The following PNMA2 variants were observed in gnomAD, a reference collection of about 807,000 sequenced individuals.
PNMA2 encodes the protein paraneoplastic antigen Ma2.
For synonymous variants in PNMA2, 175 were observed against 183.5 expected (o/e 0.95, Z 0.38); for missense variants, 455 against 452.9 (o/e 1.00, Z -0.04).
At chr8:26,513,348 T>C (rs1808203327) in intron 1 of PNMA2, among the ~76,000 whole-genome samples, 1 of 151,550 alleles carries the variant, frequency 6.6e-6, no homozygotes, top group Non-Finnish European at 1.5e-5. Context: ...TCCTCTCCCA[T>C]CTGCTACGCC....
Position 26,505,575 on chromosome 8 carries a change from C to T in PNMA2, c.*2086G>A, listed in dbSNP as rs1165694135. The T allele has an allele frequency of 2.6e-5, 4 of 152,626 alleles. No individual in the cohort carries two copies. In the East Asian group the frequency reaches 5.8e-4, roughly 22 times the overall value. The allele number at this position is 152,626 out of a possible 1,614,324, so 9.5% of individuals were successfully genotyped here. On this transcript the variant is annotated 3_prime_UTR_variant, in exon 3 of 3. Transcript: ENST00000522362. Reference sequence around the variant, plus strand: ...ACGTACACAGATACCATAAAGGAAACTTTGCTCTAAGGTCTGCACAAAATG... The same window carrying T: ...ACGTACACAGATACCATAAAGGAAATTTTGCTCTAAGGTCTGCACAAAATG...
intron 1 of PNMA2, among the ~76,000 whole-genome samples, chr8:26,511,007 C>T (rs182697255): frequency 1.3e-5 from 2 of 152,212 alleles, no homozygotes; most frequent in Admixed American, 6.5e-5. Context: ...CAAAAATTAT[C>T]TGGGTGTGGT....
In PNMA2 at chr8:26,509,602, T is replaced by G. The variant is rs1041785008; in HGVS notation, c.-543A>C. The G allele has an allele frequency of 6.6e-6, 1 of 152,250 alleles. No individual in the cohort carries two copies. The highest frequency in any genetic ancestry group is 1.5e-5 in the Non-Finnish European group (1 of 68,046). 9.4% of individuals were successfully genotyped at this position (152,250 alleles called of 1,614,324 possible). On this transcript the variant is annotated 5_prime_UTR_variant, in exon 2 of 3. Transcript: ENST00000522362. The surrounding 1 kb of genome is among the most constrained non-coding windows in gnomAD (Gnocchi z 5.7). ...GAGGTGAGGAGCTTATTTATTCACC[T>G]TTTAGCACAGGAAGACATCACCCAC...
rs1659527207 is a variant in PNMA2, at chr8:26,508,872, A to G, written c.-117T>C. 2 of 1,511,216 alleles carry G rather than the reference A, an allele frequency of 1.3e-6. No homozygotes were observed. Among genetic ancestry groups the G allele is most frequent in the South Asian group, 2.8e-5 (2 of 71,006 alleles). The allele number at this position is 1,511,216 out of a possible 1,614,324, so 93.6% of individuals were successfully genotyped here. ...GAGCTTCTAACCTTAGAACCCACCA[A>G]TGAATGGGTCCCAGACTAGGTCACT... On this transcript the variant is annotated 5_prime_UTR_variant, in exon 3 of 3. Transcript: ENST00000522362. This position sits in a 1 kb window ranked among gnomAD's most constrained non-coding sequence, Gnocchi z 5.5.
chr8:26,507,626 G>GC lies in PNMA2; in HGVS notation c.*34dup, dbSNP rs745561699. 1 of 1,518,014 alleles carries GC rather than the reference G, an allele frequency of 6.6e-7. No homozygotes were observed. Among genetic ancestry groups the GC allele is most frequent in the South Asian group, 1.4e-5 (1 of 73,338 alleles). 94.0% of individuals were successfully genotyped at this position (1,518,014 alleles called of 1,614,324 possible). A position where few individuals can be genotyped will look rare whatever the true frequency, so the allele number is the denominator to read the frequency against. ...AGAAAAAAATTTTTTAAAGGTCTTA[G>GC]CCCACTGGCTGTGGGTCCTGCCCCC... On this transcript the variant is annotated 3_prime_UTR_variant, in exon 3 of 3. Transcript: ENST00000522362.
intron 1 of PNMA2, chr8:26,513,114 C>CTTTTTTTTT (rs762812937): frequency 3.2e-5 from 4 of 125,070 alleles, no homozygotes; most frequent in African/African-American, 1.4e-4. Context: ...TTTTTTCTCT[C>CTTTTTTTTT]TTTTTTTTTT....
Position 26,508,741 on chromosome 8 carries a change from C to T in PNMA2, c.15G>A (p.Leu5=). 6.2e-7 allele frequency: 1 copy of T among 1,611,194 alleles called. No individual in the cohort carries two copies. The highest frequency in any genetic ancestry group is 8.5e-7 in the Non-Finnish European group (1 of 1,178,616). The change falls in exon 3 of 3, where the codon CTG becomes CTA. Residue 5 remains leucine, a synonymous_variant. Coordinates refer to ENST00000522362, the MANE Select transcript of PNMA2 (RefSeq NM_007257.6). The surrounding 1 kb of genome is among the most constrained non-coding windows in gnomAD (Gnocchi z 5.5). MALA[L]LEDWCRIMSV... is the part of the protein sequence containing the mutation. ...TCATTATCCTGCACCAGTCCTCTAA[C>T]AGTGCCAGCGCCATTGTCCTAAGAA...
Position 26,508,727 on chromosome 8 carries a change from C to T in PNMA2, c.29G>A (p.Cys10Tyr). The change falls in exon 3 of 3, where the codon TGC (cysteine) becomes TAC (tyrosine). Residue 10 changes from cysteine (C) to tyrosine (Y), a missense_variant. Transcript: ENST00000522362. This position sits in a 1 kb window ranked among gnomAD's most constrained non-coding sequence, Gnocchi z 5.5. ...CTGCTCATCCACACTCATTATCCTG[C>T]ACCAGTCCTCTAACAGTGCCAGCGC... MALALLEDWCRIMSVDEQKS... is the reference protein window; with the variant it reads MALALLEDWYRIMSVDEQKS... 1 of 1,613,148 alleles carries T rather than the reference C, an allele frequency of 6.2e-7. No individual in the cohort carries two copies. Among genetic ancestry groups the T allele is most frequent in the Non-Finnish European group, 8.5e-7 (1 of 1,179,518 alleles).
chr8:26,509,001 T>C lies in PNMA2; in HGVS notation c.-246A>G. On this transcript the variant is annotated 5_prime_UTR_variant, in exon 3 of 3. Coordinates refer to ENST00000522362, the MANE Select transcript of PNMA2 (RefSeq NM_007257.6). This position sits in a 1 kb window ranked among gnomAD's most constrained non-coding sequence, Gnocchi z 5.7. ...GCCTGACCCAGGTGGGCAGGTCGTATCTCAGTTCTAACCACACCTGTGCCC... is the reference window on the plus strand; with the variant it reads ...GCCTGACCCAGGTGGGCAGGTCGTACCTCAGTTCTAACCACACCTGTGCCC... 1 of 1,029,416 alleles carries C rather than the reference T, an allele frequency of 9.7e-7. No individual in the cohort carries two copies. The highest frequency in any genetic ancestry group is 3.1e-5 in the East Asian group (1 of 32,052). 63.8% of individuals were successfully genotyped at this position (1,029,416 alleles called of 1,614,324 possible).
At chr8:26,513,388 G>GCCCCCCCCCCCCCCCCCCCCTCCCCCC (rs148272306) in intron 1 of PNMA2, among the ~76,000 whole-genome samples, 1 of 141,048 alleles carries the variant, frequency 7.1e-6, no homozygotes, top group Non-Finnish European at 1.5e-5. Flanking sequence ...CATGTTGTGT[G>GCCCCCCCCCCCCCCCCCCCCTCCCCCC]CCCCCCCCCC....
chr8:26,512,272 G>A (rs960977020), intron 1 of PNMA2, among the ~76,000 whole-genome samples: 1 of 152,144 alleles, frequency 6.6e-6, no homozygotes, highest in Admixed American at 6.5e-5. Flanking sequence ...TAATTCAGTT[G>A]GAAGCGCTTT....
intron 1 of PNMA2, among the ~76,000 whole-genome samples, chr8:26,513,247 C>T (rs1015549797): frequency 6.6e-6 from 1 of 151,814 alleles, no homozygotes; most frequent in Non-Finnish European, 1.5e-5. Context: ...CGGTCTGCAC[C>T]CCGTCTTTAA....
rs1456658885 is a variant in PNMA2, at chr8:26,505,153, A to C, written c.*2508T>G. 8 of 152,536 alleles carry C rather than the reference A, an allele frequency of 5.2e-5. No homozygotes were observed. The highest frequency in any genetic ancestry group is 1.0e-4 in the Non-Finnish European group (7 of 68,222). The allele number at this position is 152,536 out of a possible 1,614,324, so 9.4% of individuals were successfully genotyped here. On this transcript the variant is annotated 3_prime_UTR_variant, in exon 3 of 3. Transcript: ENST00000522362. ...CCACACAACTGTCAGAACAATAAAG[A>C]AAGCATGCATTGAGCAGACAGGAAC...
In PNMA2 at chr8:26,507,719, A is replaced by G. The variant is rs1014442982; in HGVS notation, c.1037T>C (p.Ile346Thr). The change falls in exon 3 of 3, where the codon ATC becomes ACC. Residue 346 changes from isoleucine to threonine, a missense_variant. Coordinates refer to ENST00000522362, the MANE Select transcript of PNMA2 (RefSeq NM_007257.6). ...EEEASFENES[I>T]EEPEERDGYG... ...GCCATCTCGTTCCTCTGGCTCTTCG[A>G]TACTCTCATTCTCAAAGGAGGCCTC... is the stretch of plus-strand genomic sequence containing the variant. 6 of 1,599,730 alleles carry G rather than the reference A, an allele frequency of 3.8e-6. No individual in the cohort carries two copies. The highest frequency in any genetic ancestry group is 1.7e-4 in the Middle Eastern group (1 of 5,962).
At chr8:26,511,204 C>T (rs1420491432) in intron 1 of PNMA2, among the ~76,000 whole-genome samples, 1 of 151,266 alleles carries the variant, frequency 6.6e-6, no homozygotes, top group African/African-American at 2.4e-5. Flanking sequence ...GTTACTGCTG[C>T]GGAGTGTGTG....
Position 26,507,843 on chromosome 8 carries a change from T to G in PNMA2, c.913A>C (p.Asn305His). The change falls in exon 3 of 3, where the codon AAC becomes CAC. Residue 305 changes from asparagine to histidine, a missense_variant. Coordinates refer to ENST00000522362, the MANE Select transcript of PNMA2 (RefSeq NM_007257.6). Reference protein sequence around the residue: ...LEQVMAGATLNQMLWCRLREL... With the variant: ...LEQVMAGATLHQMLWCRLREL... ...CTAAGCCGGCACCACAGCATCTGGTTAAGAGTGGCCCCAGCCATGACCTGC... is the reference window on the plus strand; with the variant it reads ...CTAAGCCGGCACCACAGCATCTGGTGAAGAGTGGCCCCAGCCATGACCTGC... 6.2e-7 allele frequency: 1 copy of G among 1,613,988 alleles called. No homozygotes were observed. The highest frequency in any genetic ancestry group is 2.2e-5 in the East Asian group (1 of 44,872).
At chr8:26,510,600 C>T (rs1306597379) in intron 1 of PNMA2, among the ~76,000 whole-genome samples, 1 of 151,750 alleles carries the variant, frequency 6.6e-6, no homozygotes, top group Non-Finnish European at 1.5e-5. Flanking sequence ...AGGCACATGC[C>T]ACCATGCCTG....
At chr8:26,510,886 C>T (rs1808139740) in intron 1 of PNMA2, among the ~76,000 whole-genome samples, 1 of 152,212 alleles carries the variant, frequency 6.6e-6, no homozygotes, top group South Asian at 2.1e-4. Context: ...GGCGTGGTGA[C>T]TCATGCCTGT....
rs1808086084 is a variant in PNMA2 at position 26,508,320 on chromosome 8, A to G, written c.436T>C (p.Leu146=). ...GGCGCATGTGCCATTGCCTGTCCCA[A>G]CAAATGGGCCAGTAATTCTGGTGAG... ...CISPELLAHL[L]GQAMAHAPQP... is the part of the protein sequence containing the mutation. The change falls in exon 3 of 3, where the codon TTG becomes CTG. Residue 146 remains leucine, a synonymous_variant. Transcript: ENST00000522362. This position sits in a 1 kb window ranked among gnomAD's most constrained non-coding sequence, Gnocchi z 5.5. 6.2e-6 allele frequency: 10 copies of G among 1,611,106 alleles called. No homozygotes were observed. Among genetic ancestry groups the G allele is most frequent in the Non-Finnish European group, 8.5e-6 (10 of 1,178,338 alleles).
Sources: allele counts gnomAD v4.1 joint callset (sites outside exome capture counted in the v4.1 genomes callset), GRCh38; gene constraint gnomAD v4.1.1; non-coding constraint Gnocchi (gnomAD v3.1); transcripts MANE v1.5; gene names NCBI Gene and HGNC (gene_info 2026-07-23, HGNC 2026-07-21).